The following PPP1R21 variants were observed in gnomAD, a reference collection of about 807,000 sequenced individuals.
PPP1R21 encodes the protein KLRAQ motif containing 1.
In PPP1R21, 85 loss-of-function variants were observed where a neutral mutation model predicts 112.8. The observed-to-expected ratio is 0.75, with a 90% confidence interval of 0.63 to 0.90. The LOEUF is 0.90. PPP1R21 is among the 40% of genes least tolerant of loss of function. The probability of loss-of-function intolerance (pLI) is 0.00; values close to 1 mark genes in which losing one functional copy is unlikely to be tolerated. For missense variants in PPP1R21, 1,199 were observed against 901.5 expected, an observed-to-expected ratio of 1.33 and a Z score of -4.23; for synonymous variants, 381 against 322.3, an observed-to-expected ratio of 1.18 and a Z score of -1.95.
rs1434062554 is a variant in PPP1R21, at chr2:48,471,319, C to T, written c.1040C>T (p.Thr347Ile). The change falls in exon 11 of 22, where the codon ACC becomes ATC. Residue 347 changes from threonine to isoleucine, a missense_variant. Transcript: ENST00000294952. ...VKLKTFSEHL[T>I]SYICFLRKIL... is the part of the protein sequence containing the mutation. ...TTGAAAACTTTTTCAGAACACTTAA[C>T]CTCCTACATATGTTTTCTTAGGAAG... 6.2e-7 allele frequency: 1 copy of T among 1,611,352 alleles called. No individual in the cohort carries two copies. The highest frequency in any genetic ancestry group is 1.3e-5 in the African/African-American group (1 of 74,728).
chr2:48,505,063 A>G (rs1558522965), intron 17 of PPP1R21, among the ~76,000 whole-genome samples: 1 of 152,212 alleles, frequency 6.6e-6, no homozygotes, highest in African/African-American at 2.4e-5. Context: ...TTTTGTTTTC[A>G]TTAATTTAAA....
intron 7 of PPP1R21, among the ~76,000 whole-genome samples, chr2:48,462,942 G>A (rs1668039660): frequency 6.6e-6 from 1 of 152,172 alleles, no homozygotes; most frequent in African/African-American, 2.4e-5. Flanking sequence ...GTCCTTTCAA[G>A]GAGACAAGGG....
intron 17 of PPP1R21, among the ~76,000 whole-genome samples, chr2:48,504,034 A>G (rs1670257706): frequency 6.6e-6 from 1 of 152,052 alleles, no homozygotes; most frequent in Non-Finnish European, 1.5e-5. Flanking sequence ...TTTTCAAATC[A>G]TAACCCGGGA....
At chr2:48,483,205 T>C (rs1669110955) in intron 13 of PPP1R21, among the ~76,000 whole-genome samples, 1 of 133,516 alleles carries the variant, frequency 7.5e-6, no homozygotes, top group African/African-American at 2.9e-5. Flanking sequence ...CTTTTTTTTT[T>C]TTTTTTTTTT....
intron 1 of PPP1R21, among the ~76,000 whole-genome samples, chr2:48,450,271 A>ACG (rs1435261759): frequency 2.0e-5 from 3 of 152,182 alleles, no homozygotes; most frequent in Non-Finnish European, 4.4e-5. Context: ...CAGCATTGCT[A>ACG]CTTAACTTCT....
Position 48,459,739 on chromosome 2 carries a change from G to A in PPP1R21, c.376-15G>A. On this transcript the variant is annotated splice_polypyrimidine_tract_variant and intron_variant, in intron 4 of 21. Coordinates refer to ENST00000294952, the MANE Select transcript of PPP1R21 (RefSeq NM_001135629.3). ...TAGGATATTGTGAGAAGAGAAAATG[G>A]TCTTCTCTTTTTAGTTTTTTGAAGC... 6.2e-7 allele frequency: 1 copy of A among 1,606,354 alleles called. No homozygotes were observed.
intron 1 of PPP1R21, among the ~76,000 whole-genome samples, chr2:48,443,623 T>C (rs1425769348): frequency 2.6e-5 from 4 of 152,226 alleles, no homozygotes; most frequent in Non-Finnish European, 5.9e-5. Context: ...GACCAGGCCA[T>C]TTTTCATTCT....
intron 3 of PPP1R21, among the ~76,000 whole-genome samples, chr2:48,456,018 A>C (rs79872994): frequency 1.6e-5 from 2 of 122,176 alleles, no homozygotes. Flanking sequence ...CTGTCTCAAA[A>C]AAAAAAAAAA....
intron 14 of PPP1R21, among the ~76,000 whole-genome samples, chr2:48,487,096 G>C (rs1669335659): frequency 6.6e-6 from 1 of 152,112 alleles, no homozygotes; most frequent in African/African-American, 2.4e-5. Context: ...TCTTGGATGT[G>C]TAGATCACTC....
intron 20 of PPP1R21, 78 bp from the exon 21 acceptor site, chr2:48,511,262 T>C: frequency 7.0e-7 from 1 of 1,423,200 alleles, no homozygotes; most frequent in Non-Finnish European, 9.5e-7. Flanking sequence ...CTCCACATTT[T>C]TCTTTTGTGA....
rs1670335936 is a variant in PPP1R21, at chr2:48,505,560, C to G, written c.1936-4C>G. 2 of 1,548,194 alleles carry G rather than the reference C, an allele frequency of 1.3e-6. No homozygotes were observed. The highest frequency in any genetic ancestry group is 1.4e-5 in the African/African-American group (1 of 73,076). On this transcript the variant is annotated splice_polypyrimidine_tract_variant and splice_region_variant and intron_variant, in intron 17 of 21. Transcript: ENST00000294952. ...TCTAAAAGATTTTTCCCCTTATGTT[C>G]TAGATTGGGACTTTAACCAGGACAT...
At chr2:48,475,699 C>G (rs900078648) in intron 12 of PPP1R21, among the ~76,000 whole-genome samples, 8 of 151,760 alleles carry the variant, frequency 5.3e-5, no homozygotes, top group African/African-American at 1.9e-4. Context: ...AATACAAAAT[C>G]AGCTGGGTGT....
rs2103920215 is a variant in PPP1R21 at position 48,486,571 on chromosome 2, G to A, written c.1319-60G>A. 13 of 1,292,600 alleles carry A rather than the reference G, an allele frequency of 1.0e-5. No individual in the cohort carries two copies. The South Asian group carries it at 1.4e-4, about 14-fold the overall frequency. 80.1% of individuals were successfully genotyped at this position (1,292,600 alleles called of 1,614,324 possible). A position where few individuals can be genotyped will look rare whatever the true frequency, so the allele number is the denominator to read the frequency against. ...ATAGATAGGAGAAGTGAATGGGCTGGTTATCTGTATGTGACTTATATATAG... is the reference window on the plus strand; with the variant it reads ...ATAGATAGGAGAAGTGAATGGGCTGATTATCTGTATGTGACTTATATATAG... On this transcript the variant is annotated intron_variant, in intron 13 of 21. Transcript: ENST00000294952.
At chr2:48,460,011 A>G in intron 5 of PPP1R21, 84 bp from the exon 6 acceptor site, 2 of 1,593,826 alleles carry the variant, frequency 1.3e-6, no homozygotes, top group Non-Finnish European at 1.7e-6. Flanking sequence ...TTCTGGTGAG[A>G]CTTTTGCCTG....
At chr2:48,450,775 ATT>A (rs369377217) in intron 1 of PPP1R21, among the ~76,000 whole-genome samples, 1 of 146,650 alleles carries the variant, frequency 6.8e-6, no homozygotes, top group African/African-American at 2.5e-5. Context: ...TTTGCCATTG[ATT>A]TTTTTTTTTT....
In PPP1R21 at chr2:48,464,918, CA is replaced by C. The variant is rs747791023; in HGVS notation, c.695-18del. ...TATGTGAAATGAGAGACTTAATGTA[CA>C]TTATTTTTCTTCTGTAGAATATAGT... On this transcript the variant is annotated intron_variant, in intron 7 of 21. Transcript: ENST00000294952. The C allele has an allele frequency of 6.5e-7, 1 of 1,550,018 alleles. No homozygotes were observed. Among genetic ancestry groups the C allele is most frequent in the African/African-American group, 1.4e-5 (1 of 70,328 alleles).
intron 17 of PPP1R21, among the ~76,000 whole-genome samples, chr2:48,500,575 A>G (rs1245136331): frequency 6.6e-6 from 1 of 152,180 alleles, no homozygotes; most frequent in Admixed American, 6.5e-5. Flanking sequence ...TAAAAACAAC[A>G]ACAACAATTA....
At chr2:48,464,454 A>G (rs894089060) in intron 7 of PPP1R21, among the ~76,000 whole-genome samples, 5 of 152,184 alleles carry the variant, frequency 3.3e-5, no homozygotes, top group African/African-American at 1.2e-4. Context: ...AGGAAGACTG[A>G]GAAAGATAGT....
chr2:48,505,676 C>G, intron 18 of PPP1R21, 80 bp downstream of exon 18: 1 of 1,193,872 alleles, frequency 8.4e-7, no homozygotes, highest in Non-Finnish European at 1.2e-6. Flanking sequence ...CAAAAGCCAT[C>G]TTTGTCTAAT....
Sources: gnomAD v4.1 joint callset for allele counts (sites outside exome capture counted in the v4.1 genomes callset) on GRCh38, gnomAD v4.1.1 for gene constraint, MANE v1.5 for transcripts, NCBI Gene and HGNC (gene_info 2026-07-23, HGNC 2026-07-21) for gene names.